The following USP43 variants were observed in gnomAD, a reference collection of about 807,000 sequenced individuals.
The protein encoded by USP43 is ubiquitin specific peptidase 43.
In USP43, 33 loss-of-function variants were observed where a neutral mutation model predicts 90.7. The ratio of observed to expected loss-of-function variants is 0.36; its 90% CI spans 0.28 to 0.49. USP43 has a LOEUF of 0.49. Ranked by LOEUF, USP43 falls within the 20% of genes least tolerant of loss-of-function variation. The pLI is 0.98. For missense variants in USP43, 1,274 were observed against 1,476.4 expected, an observed-to-expected ratio of 0.86 and a Z score of 2.25; for synonymous variants, 598 against 615.8, an observed-to-expected ratio of 0.97 and a Z score of 0.43.
Position 9,728,015 on chromosome 17 carries a change from A to G in USP43, c.2397A>G (p.Ala799=). ...AAGGCAGAAGCATTAGCATGAAGGC[A>G]CCCACCACTTCCCGAGCCAAGCAGG... is the stretch of plus-strand genomic sequence containing the variant. The part of the protein sequence containing the change: ...GVKGRSISMK[A]PTTSRAKQGP... The change falls in exon 15 of 15, where the codon GCA becomes GCG. Residue 799 remains alanine (A), a synonymous_variant. Transcript: ENST00000285199. This position sits in a 1 kb window ranked among gnomAD's most constrained non-coding sequence, Gnocchi z 6.2. 2.5e-6 allele frequency: 4 copies of G among 1,613,274 alleles called. No individual in the cohort carries two copies. The highest frequency in any genetic ancestry group is 3.4e-6 in the Non-Finnish European group (4 of 1,179,522).
At chr17:9,653,671 T>C (rs1350218471) in intron 1 of USP43, among the ~76,000 whole-genome samples, 1 of 151,266 alleles carries the variant, frequency 6.6e-6, no homozygotes, top group Non-Finnish European at 1.5e-5. Context: ...ATTACTTACC[T>C]GGAGCTTTGA....
At chr17:9,711,633 G>A (rs150731435) in intron 13 of USP43, among the ~76,000 whole-genome samples, 4,614 of 152,132 alleles carry the variant, frequency 0.03, 217 homozygotes, top group African/African-American at 0.092. Context: ...ATTTCACCAC[G>A]TTGGTCAGGC....
chr17:9,712,068 C>T lies in USP43; in HGVS notation c.2271C>T (p.Cys757=). 6.2e-7 allele frequency: 1 copy of T among 1,611,396 alleles called. No individual in the cohort carries two copies. Among genetic ancestry groups the T allele is most frequent in the Non-Finnish European group, 8.5e-7 (1 of 1,178,484 alleles). The change falls in exon 14 of 15, where the codon TGC becomes TGT. Residue 757 remains cysteine (C), a synonymous_variant. Coordinates refer to ENST00000285199, the MANE Select transcript of USP43 (RefSeq NM_153210.5). ...GSLLSWSSAP[C]PSLPQVPDSP... The stretch of plus-strand genomic sequence containing the variant: ...TGCTGTCCTGGAGCTCTGCCCCCTG[C>T]CCCTCCCTGCCCCAGGTTCCTGACT...
At chr17:9,716,939 C>T (rs955492552) in intron 14 of USP43, among the ~76,000 whole-genome samples, 2 of 152,092 alleles carry the variant, frequency 1.3e-5, no homozygotes, top group African/African-American at 4.8e-5. Context: ...AGTTTGAGAC[C>T]AGCCTGACCA....
chr17:9,681,771 GGT>G (rs1456805213), intron 6 of USP43, among the ~76,000 whole-genome samples: 1 of 151,878 alleles, frequency 6.6e-6, no homozygotes, highest in Non-Finnish European at 1.5e-5. Flanking sequence ...TGGGATTACA[GGT>G]GTGAGCCACC....
In USP43 at chr17:9,701,536, C is replaced by G; in HGVS notation, c.1847C>G (p.Ala616Gly). The G allele has an allele frequency of 6.4e-7, 1 of 1,565,840 alleles. No homozygotes were observed. Among genetic ancestry groups the G allele is most frequent in the South Asian group, 1.2e-5 (1 of 84,906 alleles). Residue 616 changes from alanine to glycine, a missense_variant, in exon 12 of 15, where the codon GCT (alanine) becomes GGT (glycine). Ala to Gly is a moderately conservative substitution (Grantham distance 60, BLOSUM62 0). Transcript: ENST00000285199. This position sits in a 1 kb window ranked among gnomAD's most constrained non-coding sequence, Gnocchi z 7.2. ...VKFPLSGLNM[A>G]PHVAQRSTSP... ...TTTCCGCTCTCTGGACTCAACATGG[C>G]TCCCCATGTGGCCCAGAGAAGCACC...
chr17:9,655,143 A>C (rs1912153318), intron 1 of USP43, among the ~76,000 whole-genome samples: 1 of 151,352 alleles, frequency 6.6e-6, no homozygotes, highest in Non-Finnish European at 1.5e-5. Flanking sequence ...GGCAGTGGTA[A>C]GGATTGTCCT....
chr17:9,680,089 A>G (rs571031869), intron 5 of USP43, 142 bp from the exon 6 acceptor site: 8 of 742,062 alleles, frequency 1.1e-5, no homozygotes, highest in Non-Finnish European at 1.7e-5. Context: ...TGTATCTACT[A>G]TGCTGCCTTA....
chr17:9,697,544 C>T (rs1915347310), intron 9 of USP43, among the ~76,000 whole-genome samples: 1 of 152,108 alleles, frequency 6.6e-6, no homozygotes, highest in African/African-American at 2.4e-5. Context: ...TCCATGTGTA[C>T]CCACGGTTTA....
At chr17:9,661,693 A>G (rs1275006607) in intron 2 of USP43, among the ~76,000 whole-genome samples, 3 of 152,002 alleles carry the variant, frequency 2.0e-5, no homozygotes, top group East Asian at 1.9e-4. Flanking sequence ...CATGAAATTG[A>G]TGTGTTAGAT....
At chr17:9,721,470 C>T (rs1454066272) in intron 14 of USP43, among the ~76,000 whole-genome samples, 3 of 152,140 alleles carry the variant, frequency 2.0e-5, no homozygotes, top group Non-Finnish European at 2.9e-5. Context: ...TGGAGTCAGA[C>T]GTGCTACCAT....
chr17:9,701,125 C>T lies in USP43; in HGVS notation c.1542C>T (p.Phe514=), dbSNP rs899170273. ...GGGTGTCCTCTCCGTGCAGCCTGTT[C>T]GGGAGCCTCCAGGAGGAGCGAGCGC... The part of the protein sequence containing the change: ...EWDSSVKERL[F]GSLQEERAQD... Residue 514 remains phenylalanine (F), a synonymous_variant, in exon 11 of 15, where the codon TTC becomes TTT. Coordinates refer to ENST00000285199, the MANE Select transcript of USP43 (RefSeq NM_153210.5). The surrounding 1 kb of genome is among the most constrained non-coding windows in gnomAD (Gnocchi z 7.2). The T allele has an allele frequency of 1.4e-5, 20 of 1,471,330 alleles. No homozygotes were observed. Among genetic ancestry groups the T allele is most frequent in the East Asian group, 4.9e-5 (2 of 40,656 alleles). The allele number at this position is 1,471,330 out of a possible 1,614,324, so 91.1% of individuals were successfully genotyped here.
Position 9,728,568 on chromosome 17 carries a change from G to GGCA in USP43, c.2951_2953dup (p.Gly984_Thr985insSer). The GGCA allele has an allele frequency of 1.2e-6, 2 of 1,613,996 alleles. No individual in the cohort carries two copies. The highest frequency in any genetic ancestry group is 1.7e-6 in the Non-Finnish European group (2 of 1,179,898). ...TGGAAACAGCAAAGACAGTCGCCGA[G>GGCA]GCACCTCTGAGCTAGACAGACCCCT... On this transcript the variant is annotated inframe_insertion, in exon 15 of 15. Coordinates refer to ENST00000285199, the MANE Select transcript of USP43 (RefSeq NM_153210.5). The surrounding 1 kb of genome is among the most constrained non-coding windows in gnomAD (Gnocchi z 6.2).
At chr17:9,670,603 G>C (rs1407881661) in intron 3 of USP43, among the ~76,000 whole-genome samples, 1 of 152,144 alleles carries the variant, frequency 6.6e-6, no homozygotes, top group Non-Finnish European at 1.5e-5. Context: ...TGAGACTCTA[G>C]GGTGACTCTT....
chr17:9,659,720 TGGA>T (rs1912519693), intron 2 of USP43, among the ~76,000 whole-genome samples: 1 of 152,106 alleles, frequency 6.6e-6, no homozygotes, highest in Non-Finnish European at 1.5e-5. Flanking sequence ...GGCTTAAGGG[TGGA>T]GAAGATCCCC....
At chr17:9,702,172 G>A (rs185089941) in intron 12 of USP43, among the ~76,000 whole-genome samples, 28 of 152,010 alleles carry the variant, frequency 1.8e-4, no homozygotes, top group African/African-American at 6.3e-4. Context: ...ACCAGCCTAG[G>A]CAACAAAGTG....
rs767556510 is a variant in USP43 at position 9,728,540 on chromosome 17, C to A, written c.2922C>A (p.Phe974Leu). 45 of 1,613,860 alleles carry A rather than the reference C, an allele frequency of 2.8e-5. No homozygotes were observed. Among genetic ancestry groups the A allele is most frequent in the Non-Finnish European group, 3.4e-5 (40 of 1,179,910 alleles). Reference protein sequence around the residue: ...KSSPPSPYMGFSGNSKDSRRG... With the variant: ...KSSPPSPYMGLSGNSKDSRRG... ...GCCCACCCTCCCCCTATATGGGATT[C>A]TCTGGAAACAGCAAAGACAGTCGCC... The change falls in exon 15 of 15, where the codon TTC becomes TTA. Residue 974 changes from phenylalanine (F) to leucine (L), a missense_variant. Physicochemically the swap from Phe to Leu is conservative, Grantham distance 22. This residue lies in a region of USP43 where 353 missense variants were observed against 329.7 expected (regional missense o/e 1.07). Coordinates refer to ENST00000285199, the MANE Select transcript of USP43 (RefSeq NM_153210.5). The surrounding 1 kb of genome is among the most constrained non-coding windows in gnomAD (Gnocchi z 6.2).
chr17:9,706,419 C>T (rs1915876433), intron 12 of USP43, among the ~76,000 whole-genome samples: 1 of 151,950 alleles, frequency 6.6e-6, no homozygotes, highest in Admixed American at 6.6e-5. Context: ...ATTAGAAAGC[C>T]TTTTTCACTC....
chr17:9,674,758 C>A lies in USP43; in HGVS notation c.741-133C>A. The A allele has an allele frequency of 1.3e-6, 1 of 751,640 alleles. No homozygotes were observed. Among genetic ancestry groups the A allele is most frequent in the South Asian group, 1.6e-5 (1 of 62,084 alleles). 46.6% of individuals were successfully genotyped at this position (751,640 alleles called of 1,614,324 possible). A position where few individuals can be genotyped will look rare whatever the true frequency, so the allele number is the denominator to read the frequency against. On this transcript the variant is annotated intron_variant, in intron 3 of 14. Transcript: ENST00000285199. The surrounding 1 kb of genome is among the most constrained non-coding windows in gnomAD (Gnocchi z 4.4). ...GTGTACAAGTATTTGAACACCTGTT[C>A]TCAATTCTTCTGGGTATGTACCTAC... is the stretch of plus-strand genomic sequence containing the variant.
Sources: gnomAD v4.1 joint callset for allele counts (sites outside exome capture counted in the v4.1 genomes callset) on GRCh38, gnomAD v4.1.1 for gene constraint, gnomAD v4.1.1 regional missense constraint, Gnocchi (gnomAD v3.1) non-coding constraint, MANE v1.5 for transcripts, NCBI Gene and HGNC (gene_info 2026-07-23, HGNC 2026-07-21) for gene names.